Variants in TNN observed in about 807,000 individuals in gnomAD.
The protein encoded by TNN is tenascin-N.
TNN carries 122 observed loss-of-function variants against 134.4 expected under a neutral mutation model. The ratio of observed to expected loss-of-function variants is 0.91; its 90% CI spans 0.78 to 1.06. The LOEUF (loss-of-function observed/expected upper bound fraction) is 1.06, where lower values mean the gene tolerates loss of function less well. Among genes scored for constraint, TNN ranks in the 50% least tolerant of loss-of-function variants. TNN has a pLI of 0.00. For missense variants in TNN, 1,739 were observed against 1,699.4 expected (o/e 1.02, Z -0.41); for synonymous variants, 710 against 670.3 (o/e 1.06, Z -0.91).
chr1:175,139,615 A>AT (rs5778835), intron 17 of TNN, among the ~76,000 whole-genome samples: 111,535 of 151,550 alleles, frequency 0.74, 41,293 homozygotes, highest in Non-Finnish European at 0.78. Context: ...GTTTTACAGG[A>AT]TTTTTTTTTG....
chr1:175,089,653 T>C (rs1471840468), intron 6 of TNN, among the ~76,000 whole-genome samples: 1 of 152,232 alleles, frequency 6.6e-6, no homozygotes, highest in African/African-American at 2.4e-5. Context: ...CTTATGATGA[T>C]GGTATTCTGT....
In TNN at chr1:175,128,594, G is replaced by A. The variant is rs1675591563; in HGVS notation, c.3179-1G>A. On this transcript the variant is annotated splice_acceptor_variant, in intron 14 of 18. Coordinates refer to ENST00000239462, the MANE Select transcript of TNN (RefSeq NM_022093.2). LOFTEE classifies it high-confidence loss of function. ...CAACACTCTCTCTGCTTGGCTCCCAGTTGGTGCCCGTTTCCCACACCCTTC... is the reference window on the plus strand; with the variant it reads ...CAACACTCTCTCTGCTTGGCTCCCAATTGGTGCCCGTTTCCCACACCCTTC... 1 of 1,609,494 alleles carries A rather than the reference G, an allele frequency of 6.2e-7. No individual in the cohort carries two copies.
chr1:175,108,611 G>A (rs1674928241), intron 9 of TNN, among the ~76,000 whole-genome samples: 2 of 152,400 alleles, frequency 1.3e-5, no homozygotes, highest in Non-Finnish European at 2.9e-5. Context: ...CCGTGGGAAG[G>A]CAGCTAAGGC....
intron 4 of TNN, 71 bp downstream of exon 4, chr1:175,080,497 A>G: frequency 6.4e-7 from 1 of 1,567,702 alleles, no homozygotes. Context: ...TTCATTAAAC[A>G]CCTGTAGGCA....
intron 4 of TNN, among the ~76,000 whole-genome samples, chr1:175,081,771 T>A (rs575012886): frequency 6.6e-6 from 1 of 152,242 alleles, no homozygotes; most frequent in South Asian, 2.1e-4. Flanking sequence ...TAAGACAGCG[T>A]TAGAAAGGAC....
At chr1:175,068,075 C>CA (rs749696755) in intron 1 of TNN, 140 bp downstream of exon 1, 1 of 391,208 alleles carries the variant, frequency 2.6e-6, no homozygotes, top group Non-Finnish European at 5.1e-6. Context: ...CTATCACCTC[C>CA]ATGAAGAGTT....
chr1:175,084,839 A>T (rs969686805), intron 5 of TNN, among the ~76,000 whole-genome samples: 4 of 152,162 alleles, frequency 2.6e-5, no homozygotes, highest in Non-Finnish European at 2.9e-5. Flanking sequence ...TTTTTTTTAA[A>T]AAAAGGGCTG....
intron 13 of TNN, 142 bp downstream of exon 13, chr1:175,127,227 G>A: frequency 9.6e-7 from 1 of 1,044,024 alleles, no homozygotes; most frequent in Non-Finnish European, 1.4e-6. Flanking sequence ...TCTGCCCCGG[G>A]TTATTTTGTT....
At chr1:175,123,299 T>C in intron 11 of TNN, 101 bp from the exon 12 acceptor site, 1 of 1,353,204 alleles carries the variant, frequency 7.4e-7, no homozygotes, top group Non-Finnish European at 1.0e-6. Context: ...ATTCTACCAT[T>C]ATTAATGATA....
intron 1 of TNN, among the ~76,000 whole-genome samples, chr1:175,077,022 G>T (rs987776705): frequency 1.3e-5 from 2 of 152,196 alleles, no homozygotes; most frequent in Non-Finnish European, 2.9e-5. Flanking sequence ...TGTTAAAAGG[G>T]AGGATAATAT....
intron 12 of TNN, among the ~76,000 whole-genome samples, chr1:175,123,933 T>C (rs1174710157): frequency 6.6e-6 from 1 of 152,246 alleles, no homozygotes; most frequent in Non-Finnish European, 1.5e-5. Context: ...ACACTTGCTA[T>C]GGAGAAAATG....
intron 6 of TNN, among the ~76,000 whole-genome samples, chr1:175,089,416 C>G (rs1674390694): frequency 6.6e-6 from 1 of 152,184 alleles, no homozygotes; most frequent in African/African-American, 2.4e-5. Flanking sequence ...GAAAGGCCAG[C>G]CTCAGAAGCA....
intron 9 of TNN, among the ~76,000 whole-genome samples, chr1:175,104,805 G>A (rs1245927304): frequency 1.4e-5 from 2 of 146,020 alleles, no homozygotes; most frequent in Admixed American, 6.9e-5. Flanking sequence ...TCGGGTGACA[G>A]GGGAGTATAT....
intron 9 of TNN, among the ~76,000 whole-genome samples, chr1:175,108,605 G>T (rs556365356): frequency 3.3e-5 from 5 of 152,262 alleles, no homozygotes; most frequent in Non-Finnish European, 7.3e-5. Flanking sequence ...CCTGCCCCGT[G>T]GGAAGGCAGC....
At chr1:175,119,332 G>A (rs147876995) in intron 11 of TNN, among the ~76,000 whole-genome samples, 394 of 152,370 alleles carry the variant, frequency 2.6e-3, no homozygotes, top group Non-Finnish European at 2.8e-3. Context: ...CATGGCACTG[G>A]TGGGAGTGTA....
chr1:175,122,214 T>C (rs1478083991), intron 11 of TNN, among the ~76,000 whole-genome samples: 4 of 90,498 alleles, frequency 4.4e-5, no homozygotes, highest in African/African-American at 1.9e-4. Context: ...AAATCCTGTC[T>C]TTACAAAAAA....
At chr1:175,115,803 C>T (rs1459247387) in intron 9 of TNN, among the ~76,000 whole-genome samples, 1 of 152,164 alleles carries the variant, frequency 6.6e-6, no homozygotes, top group Non-Finnish European at 1.5e-5. Context: ...CCTCTGAGAG[C>T]TGTAGGAGAT....
At chr1:175,136,792 A>G (rs1378011833) in intron 16 of TNN, 29 bp from the exon 17 acceptor site, 1 of 1,607,582 alleles carries the variant, frequency 6.2e-7, no homozygotes, top group Admixed American at 1.7e-5. Flanking sequence ...GGGTTGATTG[A>G]TTATTGGAAT....
At chr1:175,086,646 A>G (rs1173071125) in intron 6 of TNN, among the ~76,000 whole-genome samples, 1 of 152,172 alleles carries the variant, frequency 6.6e-6, no homozygotes. Flanking sequence ...AAGAGGTGAG[A>G]TGTTGTGAGA....
Sources: allele counts gnomAD v4.1 joint callset (sites outside exome capture counted in the v4.1 genomes callset), GRCh38; gene constraint gnomAD v4.1.1; transcripts MANE v1.5; gene names NCBI Gene and HGNC (gene_info 2026-07-23, HGNC 2026-07-21).